TTLL5: variants seen among roughly 807,000 people sequenced by gnomAD.
TTLL5 encodes tubulin tyrosine ligase like 5, also known as tubulin polyglutamylase TTLL5.
A neutral mutation model predicts 168.4 loss-of-function variants in TTLL5; 132 were observed. That is an observed-to-expected ratio of 0.78 (90% CI 0.68 to 0.91). TTLL5 has a LOEUF of 0.91. TTLL5 is among the 40% of genes least tolerant of loss of function. The pLI is 0.00. For synonymous variants in TTLL5, 546 were observed against 558.6 expected (o/e 0.98, Z 0.32); for missense variants, 1,545 against 1,581.5 (o/e 0.98, Z 0.39).
intron 27 of TTLL5, among the ~76,000 whole-genome samples, chr14:75,809,729 C>T (rs1390587412): frequency 6.6e-6 from 1 of 151,914 alleles, no homozygotes; most frequent in African/African-American, 2.4e-5. Flanking sequence ...TCCCCTTTTT[C>T]CCTTCTCAGC....
At chr14:75,829,672 G>A (rs1447803216) in intron 28 of TTLL5, among the ~76,000 whole-genome samples, 3 of 151,950 alleles carry the variant, frequency 2.0e-5, no homozygotes, top group Non-Finnish European at 2.9e-5. Flanking sequence ...AAAATATAAG[G>A]TTCTGCAGAG....
chr14:75,722,328 C>A (rs1887892566), intron 12 of TTLL5, among the ~76,000 whole-genome samples: 1 of 152,172 alleles, frequency 6.6e-6, no homozygotes, highest in African/African-American at 2.4e-5. Context: ...TCACTGCAGC[C>A]TCCACCTCCT....
intron 9 of TTLL5, 163 bp from the exon 10 acceptor site, chr14:75,717,698 A>T: frequency 4.9e-6 from 3 of 609,604 alleles, no homozygotes; most frequent in Non-Finnish European, 8.6e-6. Flanking sequence ...ATTAAGTATG[A>T]CATTATAAAA....
chr14:75,876,681 T>A (rs543366083), intron 29 of TTLL5, among the ~76,000 whole-genome samples: 8 of 152,216 alleles, frequency 5.3e-5, no homozygotes, highest in Non-Finnish European at 8.8e-5. Context: ...CCAGAAAAGT[T>A]GTACTGTTTC....
intron 18 of TTLL5, chr14:75,757,688 GCT>G: frequency 1.8e-6 from 1 of 545,398 alleles, no homozygotes; most frequent in Non-Finnish European, 3.0e-6. Flanking sequence ...TTATCTGTCT[GCT>G]TTTCTGCAAA....
rs186836238 is a variant in TTLL5, at chr14:75,735,558, T to G, written c.1281+269T>G. ...CTTCTTTCTGTTTTTAAAAATCACG[T>G]TTTTTCCGCCTCAGATTGATATGCT... On this transcript the variant is annotated intron_variant, in intron 15 of 31. Transcript: ENST00000298832. Among the ~76,000 whole-genome samples the G allele has an allele frequency of 6.6e-3, 1,004 of 152,306 alleles. 12 individuals are homozygous for G. Among genetic ancestry groups the G allele is most frequent in the African/African-American group, 0.023 (970 of 41,556 alleles).
intron 31 of TTLL5, among the ~76,000 whole-genome samples, chr14:75,949,728 A>AG (rs1460574483): frequency 6.6e-6 from 1 of 151,890 alleles, no homozygotes; most frequent in Non-Finnish European, 1.5e-5. Flanking sequence ...GCATGCCTAT[A>AG]GTCCCAGCTT....
chr14:75,769,592 T>C (rs1483628668), intron 20 of TTLL5, among the ~76,000 whole-genome samples: 1 of 151,572 alleles, frequency 6.6e-6, no homozygotes, highest in African/African-American at 2.4e-5. Flanking sequence ...GATTGAAGTC[T>C]CAACTTATGA....
chr14:75,738,196 G>A (rs2140244630), intron 15 of TTLL5, among the ~76,000 whole-genome samples: 1 of 152,292 alleles, frequency 6.6e-6, no homozygotes, highest in African/African-American at 2.4e-5. Flanking sequence ...AGCAGTATTT[G>A]AGATTAACCA....
chr14:75,943,438 G>A (rs776517593), intron 31 of TTLL5, among the ~76,000 whole-genome samples: 4 of 152,202 alleles, frequency 2.6e-5, no homozygotes, highest in Admixed American at 1.3e-4. Flanking sequence ...GAAACTTGGT[G>A]CTAAATGGAG....
At chr14:75,810,568 T>C (rs567709651) in intron 27 of TTLL5, among the ~76,000 whole-genome samples, 21 of 152,282 alleles carry the variant, frequency 1.4e-4, no homozygotes, top group African/African-American at 5.1e-4. Flanking sequence ...GGGTCTCTTA[T>C]GTTGCCCAGG....
chr14:75,692,388 A>T (rs1215197636), intron 6 of TTLL5, among the ~76,000 whole-genome samples: 1 of 152,164 alleles, frequency 6.6e-6, no homozygotes, highest in Non-Finnish European at 1.5e-5. Context: ...ACTACTAACT[A>T]AAGTTGTAGT....
chr14:75,811,181 G>GTGTGTGTGTATGTA (rs778265688), intron 27 of TTLL5, among the ~76,000 whole-genome samples: 1 of 121,186 alleles, frequency 8.3e-6, no homozygotes. Flanking sequence ...GTGTGTGTGT[G>GTGTGTGTGTATGTA]TGTGTGTATG....
Position 75,863,673 on chromosome 14 carries a change from G to A in TTLL5, c.3333G>A (p.Leu1111=), listed in dbSNP as rs1595168868. The change falls in exon 29 of 32, where the codon CTG becomes CTA. Residue 1111 remains leucine, a synonymous_variant. Coordinates refer to ENST00000298832, the MANE Select transcript of TTLL5 (RefSeq NM_015072.5). ...TGCTTGCTTTTCTCTTCAGGAGCCT[G>A]CAGACAGGGGGATTTGCCTGGGAAG... is the stretch of plus-strand genomic sequence containing the variant. The part of the protein sequence containing the change: ...NHSSSPGSRS[L]QTGGFAWEGE... The A allele has an allele frequency of 6.2e-7, 1 of 1,607,706 alleles. No homozygotes were observed. The highest frequency in any genetic ancestry group is 2.2e-5 in the East Asian group (1 of 44,566).
At chr14:75,845,483 A>G (rs1347182604) in intron 28 of TTLL5, among the ~76,000 whole-genome samples, 1 of 152,150 alleles carries the variant, frequency 6.6e-6, no homozygotes, top group Non-Finnish European at 1.5e-5. Context: ...GAAATGCCCT[A>G]CAACTTGATA....
chr14:75,805,873 A>G (rs568281454), intron 27 of TTLL5, among the ~76,000 whole-genome samples: 18 of 152,168 alleles, frequency 1.2e-4, no homozygotes, highest in African/African-American at 4.1e-4. Flanking sequence ...AAGATTCTAC[A>G]GTGTCTCTGA....
intron 9 of TTLL5, 51 bp from the exon 10 acceptor site, chr14:75,717,810 T>G: frequency 1.9e-6 from 3 of 1,544,362 alleles, no homozygotes; most frequent in Non-Finnish European, 2.7e-6. Context: ...TTCCAGCCTG[T>G]ATTTCCTTGA....
At chr14:75,674,183 T>G (rs1883968349) in intron 3 of TTLL5, among the ~76,000 whole-genome samples, 1 of 152,194 alleles carries the variant, frequency 6.6e-6, no homozygotes, top group Non-Finnish European at 1.5e-5. Flanking sequence ...GCCACCAAAC[T>G]TTTCTCAAAT....
intron 18 of TTLL5, among the ~76,000 whole-genome samples, chr14:75,755,751 C>T (rs1055238196): frequency 6.6e-6 from 1 of 152,268 alleles, no homozygotes; most frequent in East Asian, 1.9e-4. Flanking sequence ...TCTGTTCTCT[C>T]ATCAGTCTAA....
Sources: allele counts gnomAD v4.1 joint callset (sites outside exome capture counted in the v4.1 genomes callset), GRCh38; gene constraint gnomAD v4.1.1; transcripts MANE v1.5; gene names NCBI Gene and HGNC (gene_info 2026-07-23, HGNC 2026-07-21).